The following SHOC2 variants were observed in gnomAD, a reference collection of about 807,000 sequenced individuals.
SHOC2 encodes the protein leucine-rich repeat protein SHOC-2.
A neutral mutation model predicts 50.2 loss-of-function variants in SHOC2; 4 were observed. The observed-to-expected ratio is 0.08, with a 90% CI of 0.04 to 0.18. The LOEUF (loss-of-function observed/expected upper bound fraction) is 0.18. SHOC2 is among the 10% of genes least tolerant of loss of function. SHOC2 has a pLI of 1.00. For missense variants in SHOC2, 388 were observed against 669.6 expected (o/e 0.58, Z 4.64); for synonymous variants, 218 against 244.5 (o/e 0.89, Z 1.01).
Position 111,011,592 on chromosome 10 carries a change from GATT to G in SHOC2, c.1541-17_1541-15del. The G allele has an allele frequency of 6.3e-7, 1 of 1,581,038 alleles. No homozygotes were observed. The highest frequency in any genetic ancestry group is 8.7e-7 in the Non-Finnish European group (1 of 1,151,834). ...AGCAACTAATTTTTAAAAAAAAATT[GATT>G]TTTTTTTTAAACAGGTACACTGGAG... On this transcript the variant is annotated splice_polypyrimidine_tract_variant and intron_variant, in intron 8 of 8. Transcript: ENST00000369452.
intron 1 of SHOC2, among the ~76,000 whole-genome samples, chr10:110,961,236 A>G (rs1198517302): frequency 6.6e-6 from 1 of 152,170 alleles, no homozygotes; most frequent in Non-Finnish European, 1.5e-5. Context: ...GCAAGATTCA[A>G]ATTTTATGCA....
At chr10:111,003,887 T>C (rs1031262862) in intron 4 of SHOC2, among the ~76,000 whole-genome samples, 1 of 152,218 alleles carries the variant, frequency 6.6e-6, no homozygotes. Context: ...ACCTATGTAC[T>C]TCTATAAATA....
At chr10:110,980,314 G>A (rs1040495763) in intron 2 of SHOC2, among the ~76,000 whole-genome samples, 3 of 152,000 alleles carry the variant, frequency 2.0e-5, no homozygotes, top group Non-Finnish European at 4.4e-5. Context: ...CCACCACCAT[G>A]CCCGGCTAAT....
Position 110,964,724 on chromosome 10 carries a change from G to A in SHOC2, c.366G>A (p.Leu122=), listed in dbSNP as rs775301715. The change falls in exon 2 of 9, where the codon TTG becomes TTA. Residue 122 remains leucine (L), a synonymous_variant. Transcript: ENST00000369452. The surrounding 1 kb of genome is among the most constrained non-coding windows in gnomAD (Gnocchi z 4.9). Reference sequence around the variant, plus strand: ...TATTGCCATCATCAATCAAAGAGTTGACTCAATTAACAGAACTTTATTTAT... The same window carrying A: ...TATTGCCATCATCAATCAAAGAGTTAACTCAATTAACAGAACTTTATTTAT... ...IHILPSSIKE[L]TQLTELYLYS... 6.2e-7 allele frequency: 1 copy of A among 1,614,058 alleles called. No homozygotes were observed. The highest frequency in any genetic ancestry group is 2.2e-5 in the East Asian group (1 of 44,890).
chr10:110,973,249 A>G (rs1847816355), intron 2 of SHOC2, among the ~76,000 whole-genome samples: 1 of 152,176 alleles, frequency 6.6e-6, no homozygotes, highest in Non-Finnish European at 1.5e-5. Flanking sequence ...TGAATATTTG[A>G]AAAATATCCC....
intron 2 of SHOC2, among the ~76,000 whole-genome samples, chr10:110,965,970 T>A (rs964274487): frequency 6.6e-6 from 1 of 152,132 alleles, no homozygotes; most frequent in Non-Finnish European, 1.5e-5. Context: ...TTTTAAAGGA[T>A]GTTTTCTTTT....
chr10:110,973,237 T>A (rs1383875038), intron 2 of SHOC2, among the ~76,000 whole-genome samples: 1 of 152,180 alleles, frequency 6.6e-6, no homozygotes, highest in African/African-American at 2.4e-5. Flanking sequence ...AGAGCTGAAC[T>A]CTGAATATTT....
chr10:110,970,236 C>T (rs1202443113), intron 2 of SHOC2, among the ~76,000 whole-genome samples: 1 of 152,182 alleles, frequency 6.6e-6, no homozygotes, highest in Non-Finnish European at 1.5e-5. Flanking sequence ...CTCTAGTAAC[C>T]ACTATTCTAC....
At chr10:110,981,181 A>G (rs1847969597) in intron 2 of SHOC2, among the ~76,000 whole-genome samples, 1 of 152,222 alleles carries the variant, frequency 6.6e-6, no homozygotes, top group Non-Finnish European at 1.5e-5. Flanking sequence ...TGAAGGACCT[A>G]TTTGGAGCAG....
At chr10:110,973,527 A>G (rs1293460981) in intron 2 of SHOC2, among the ~76,000 whole-genome samples, 2 of 152,084 alleles carry the variant, frequency 1.3e-5, no homozygotes, top group East Asian at 3.8e-4. Context: ...ATGGTTTGGT[A>G]TCAGGGTAAT....
intron 1 of SHOC2, among the ~76,000 whole-genome samples, chr10:110,928,770 C>T (rs1050193036): frequency 2.6e-5 from 4 of 152,032 alleles, no homozygotes; most frequent in African/African-American, 9.7e-5. Context: ...TGGCATGCAT[C>T]GGTAGTCCCA....
At position 110,978,015 on chromosome 10, in the gene SHOC2, C is replaced by G. The variant is rs74844743; in HGVS notation, c.704-7613C>G. On this transcript the variant is annotated intron_variant, in intron 2 of 8. Transcript: ENST00000369452. ...CTCTCTTCTGTCTCCAGTTCTGCCT[C>G]CCAAATTCTAACCATCTTGGCTTTC... Among the ~76,000 whole-genome samples the G allele has an allele frequency of 4.4e-3, 670 of 152,308 alleles. 8 individuals carry two copies. The highest frequency in any genetic ancestry group is 0.015 in the African/African-American group (626 of 41,566).
chr10:110,941,826 C>G (rs183518884), intron 1 of SHOC2, among the ~76,000 whole-genome samples: 3 of 151,820 alleles, frequency 2.0e-5, no homozygotes, highest in Non-Finnish European at 2.9e-5. Context: ...TTTTTGCCTA[C>G]GAATTACTAG....
In SHOC2 at chr10:110,931,149, T is replaced by C. The variant is rs1219620526; in HGVS notation, c.-235+11492T>C. ...TGTCTCTCCATGTCTTTCCAAAATA[T>C]TTTATTTTGCTTCCTTACCAAGGAG... On this transcript the variant is annotated intron_variant, in intron 1 of 8. Transcript: ENST00000369452. Among the ~76,000 whole-genome samples the C allele has an allele frequency of 2.0e-5, 3 of 152,268 alleles. No individual in the cohort carries two copies. In the East Asian group the frequency reaches 5.8e-4, roughly 29 times the overall value.
At chr10:110,947,458 G>T (rs191284921) in intron 1 of SHOC2, among the ~76,000 whole-genome samples, 34 of 152,202 alleles carry the variant, frequency 2.2e-4, no homozygotes, top group African/African-American at 6.3e-4. Flanking sequence ...CTTCAAATAT[G>T]CAGACACCAG....
chr10:110,976,061 C>T (rs1310380485), intron 2 of SHOC2, among the ~76,000 whole-genome samples: 1 of 152,116 alleles, frequency 6.6e-6, no homozygotes, highest in Admixed American at 6.6e-5. Flanking sequence ...CAGGTGTACA[C>T]TACCATACCC....
chr10:110,953,031 G>A (rs1191148459), intron 1 of SHOC2, among the ~76,000 whole-genome samples: 1 of 152,176 alleles, frequency 6.6e-6, no homozygotes, highest in Non-Finnish European at 1.5e-5. Flanking sequence ...AAACATATGT[G>A]TGCATGTGTC....
chr10:110,943,381 T>C (rs1847188199), intron 1 of SHOC2, among the ~76,000 whole-genome samples: 1 of 152,182 alleles, frequency 6.6e-6, no homozygotes, highest in South Asian at 2.1e-4. Context: ...TGCATTTCCA[T>C]GATTGCACTT....
At chr10:111,002,625 G>A (rs1848399074) in intron 4 of SHOC2, among the ~76,000 whole-genome samples, 2 of 152,050 alleles carry the variant, frequency 1.3e-5, no homozygotes, top group Admixed American at 1.3e-4. Context: ...GCGAAATAAG[G>A]CTTAAGAGAG....
Sources: gnomAD v4.1 joint callset for allele counts (sites outside exome capture counted in the v4.1 genomes callset) on GRCh38, gnomAD v4.1.1 for gene constraint, Gnocchi (gnomAD v3.1) non-coding constraint, MANE v1.5 for transcripts, NCBI Gene and HGNC (gene_info 2026-07-23, HGNC 2026-07-21) for gene names.